The following TTC27 variants were observed in gnomAD, a reference collection of about 807,000 sequenced individuals.
TTC27 encodes the protein tetratricopeptide repeat protein 27.
In TTC27, 79 loss-of-function variants were observed where a neutral mutation model predicts 115.9. That is an observed-to-expected ratio of 0.68 (90% confidence interval 0.57 to 0.82). The LOEUF (loss-of-function observed/expected upper bound fraction) is 0.82. Among genes scored for constraint, TTC27 ranks in the 40% least tolerant of loss-of-function variants. The pLI is 0.00. For missense variants in TTC27, 1,054 were observed against 993.1 expected (o/e 1.06, Z -0.82); for synonymous variants, 401 against 356.0 (o/e 1.13, Z -1.42).
intron 10 of TTC27, among the ~76,000 whole-genome samples, chr2:32,704,253 C>T (rs898722571): frequency 2.0e-5 from 3 of 152,162 alleles, no homozygotes; most frequent in Non-Finnish European, 4.4e-5. Flanking sequence ...GTGGCACAAT[C>T]TGGGCTCGCT....
intron 18 of TTC27, among the ~76,000 whole-genome samples, chr2:32,815,401 C>A (rs4952300): frequency 1.3e-5 from 2 of 151,534 alleles, no homozygotes; most frequent in Non-Finnish European, 2.9e-5. Flanking sequence ...CCACGCCCGG[C>A]TAATTTTTTG....
intron 12 of TTC27, among the ~76,000 whole-genome samples, chr2:32,755,683 C>G (rs1240883824): frequency 6.6e-6 from 1 of 152,082 alleles, no homozygotes; most frequent in Non-Finnish European, 1.5e-5. Flanking sequence ...ATTCAGCTAT[C>G]CTATAGGAGC....
At chr2:32,672,407 TG>T (rs1666045652) in intron 8 of TTC27, 23 bp downstream of exon 8, 1 of 1,539,200 alleles carries the variant, frequency 6.5e-7, no homozygotes, top group Non-Finnish European at 9.0e-7. Flanking sequence ...CTGACTTGGC[TG>T]CTTTGAACAC....
intron 10 of TTC27, among the ~76,000 whole-genome samples, chr2:32,714,228 G>T (rs1185093589): frequency 1.4e-5 from 2 of 146,348 alleles, no homozygotes; most frequent in Non-Finnish European, 3.0e-5. Flanking sequence ...GTACCATCTC[G>T]GCTCACTGAA....
chr2:32,739,405 A>C (rs930685995), intron 12 of TTC27, among the ~76,000 whole-genome samples: 3 of 152,208 alleles, frequency 2.0e-5, no homozygotes, highest in African/African-American at 7.2e-5. Flanking sequence ...TAATTGCAGG[A>C]GAAAAAACAT....
At chr2:32,730,901 C>T (rs1033031918) in intron 10 of TTC27, among the ~76,000 whole-genome samples, 2 of 152,102 alleles carry the variant, frequency 1.3e-5, no homozygotes, top group African/African-American at 4.8e-5. Context: ...GGATTACAGG[C>T]ATGAGCCATT....
At chr2:32,761,593 G>A (rs575288874) in intron 13 of TTC27, among the ~76,000 whole-genome samples, 1 of 151,986 alleles carries the variant, frequency 6.6e-6, no homozygotes, top group South Asian at 2.1e-4. Context: ...AATATGCCAG[G>A]CACATTCCTG....
chr2:32,688,437 C>G (rs975808344), intron 9 of TTC27, among the ~76,000 whole-genome samples: 2 of 152,080 alleles, frequency 1.3e-5, no homozygotes, highest in African/African-American at 4.8e-5. Context: ...ACTTTATTAA[C>G]ATTAAAACCT....
intron 15 of TTC27, among the ~76,000 whole-genome samples, chr2:32,785,989 C>T (rs1572612205): frequency 6.6e-6 from 1 of 152,234 alleles, no homozygotes; most frequent in South Asian, 2.1e-4. Flanking sequence ...TTTTGTTTCA[C>T]AATTTTCTGT....
At chr2:32,699,875 G>A (rs1039088022) in intron 9 of TTC27, among the ~76,000 whole-genome samples, 5 of 152,150 alleles carry the variant, frequency 3.3e-5, no homozygotes, top group Admixed American at 6.5e-5. Context: ...AAAATCTTAG[G>A]CAAGCCTCTT....
intron 9 of TTC27, among the ~76,000 whole-genome samples, chr2:32,698,636 C>A (rs1194588189): frequency 6.6e-6 from 1 of 151,758 alleles, no homozygotes; most frequent in Non-Finnish European, 1.5e-5. Context: ...CCCCCCACCA[C>A]GCCTGGCTAA....
intron 9 of TTC27, among the ~76,000 whole-genome samples, chr2:32,680,150 CT>C (rs1666368221): frequency 6.6e-6 from 1 of 152,136 alleles, no homozygotes; most frequent in Non-Finnish European, 1.5e-5. Flanking sequence ...CTTCAGTATT[CT>C]CAGAAATCTT....
At chr2:32,702,015 A>AAAAAAAAAAAC in intron 9 of TTC27, among the ~76,000 whole-genome samples, 1 of 72,716 alleles carries the variant, frequency 1.4e-5, no homozygotes, top group East Asian at 4.7e-4. Flanking sequence ...TGTCTCAAAA[A>AAAAAAAAAAAC]AAAAAAAAAA....
chr2:32,773,975 AT>A (rs1669912613), intron 13 of TTC27, among the ~76,000 whole-genome samples: 1 of 152,166 alleles, frequency 6.6e-6, no homozygotes, highest in Non-Finnish European at 1.5e-5. Context: ...ACTAGTTGAA[AT>A]TGATCCATGC....
intron 11 of TTC27, among the ~76,000 whole-genome samples, chr2:32,735,922 C>G (rs1668439238): frequency 6.6e-6 from 1 of 151,976 alleles, no homozygotes; most frequent in Non-Finnish European, 1.5e-5. Flanking sequence ...CTGATATTAT[C>G]AGTCCTAGAT....
At chr2:32,754,286 C>G (rs1457471171) in intron 12 of TTC27, among the ~76,000 whole-genome samples, 2 of 150,594 alleles carry the variant, frequency 1.3e-5, no homozygotes, top group Admixed American at 6.6e-5. Flanking sequence ...GCAGAGGACC[C>G]TTCGGCCTTC....
At chr2:32,643,642 G>C (rs1305038470) in intron 4 of TTC27, among the ~76,000 whole-genome samples, 1 of 152,056 alleles carries the variant, frequency 6.6e-6, no homozygotes, top group East Asian at 1.9e-4. Flanking sequence ...AAGCCATGAG[G>C]CTGCCTAATG....
chr2:32,721,129 A>G (rs959137573), intron 10 of TTC27, among the ~76,000 whole-genome samples: 4 of 152,158 alleles, frequency 2.6e-5, no homozygotes, highest in East Asian at 1.9e-4. Flanking sequence ...ATTTGATTTT[A>G]TGCTTATTTT....
chr2:32,632,274 G>T (rs550992989), intron 2 of TTC27, among the ~76,000 whole-genome samples: 23 of 151,408 alleles, frequency 1.5e-4, no homozygotes, highest in African/African-American at 5.3e-4. Context: ...CTCACTAAGT[G>T]TGGGGATTAT....
Sources: allele counts gnomAD v4.1 joint callset (sites outside exome capture counted in the v4.1 genomes callset), GRCh38; gene constraint gnomAD v4.1.1; transcripts MANE v1.5; gene names NCBI Gene and HGNC (gene_info 2026-07-23, HGNC 2026-07-21).